The following KAZN variants were observed in gnomAD, a reference collection of about 807,000 sequenced individuals.
KAZN encodes kazrin, periplakin interacting protein.
A neutral mutation model predicts 87.4 loss-of-function variants in KAZN; 40 were observed. The observed-to-expected ratio is 0.46, with a 90% CI of 0.36 to 0.60. The LOEUF is 0.60. Among genes scored for constraint, KAZN ranks in the 20% least tolerant of loss-of-function variants. The pLI is 0.00. For missense variants in KAZN, 898 were observed against 1,073.9 expected (o/e 0.84, Z 2.29); for synonymous variants, 466 against 458.3 (o/e 1.02, Z -0.22).
chr1:14,732,349 A>G (rs1001261497), intron 1 of KAZN, among the ~76,000 whole-genome samples: 1 of 152,218 alleles, frequency 6.6e-6, no homozygotes, highest in Non-Finnish European at 1.5e-5. Context: ...ATTTAAGAAC[A>G]AAATGAAGGC....
At chr1:14,907,243 A>C (rs1656695509) in intron 1 of KAZN, among the ~76,000 whole-genome samples, 1 of 151,090 alleles carries the variant, frequency 6.6e-6, no homozygotes, top group Non-Finnish European at 1.5e-5. Flanking sequence ...CAAAAAAAAT[A>C]CAAAAACAAT....
intron 1 of KAZN, among the ~76,000 whole-genome samples, chr1:14,844,392 A>G (rs1416838065): frequency 3.9e-5 from 6 of 152,354 alleles, no homozygotes; most frequent in Non-Finnish European, 7.3e-5. Context: ...GGAATTGAGC[A>G]GGTGCCTGGC....
intron 2 of KAZN, among the ~76,000 whole-genome samples, chr1:14,276,957 A>G (rs986368948): frequency 1.3e-5 from 2 of 152,222 alleles, no homozygotes; most frequent in Admixed American, 6.5e-5. Flanking sequence ...CCGCCTATAC[A>G]TTAATCAAGA....
At chr1:14,374,491 C>T (rs897527538) in intron 2 of KAZN, among the ~76,000 whole-genome samples, 22 of 152,320 alleles carry the variant, frequency 1.4e-4, no homozygotes, top group African/African-American at 5.1e-4. Context: ...ATCTTGAATA[C>T]TCACCAGTGA....
chr1:14,410,033 T>C (rs893957105), intron 2 of KAZN, among the ~76,000 whole-genome samples: 1 of 152,188 alleles, frequency 6.6e-6, no homozygotes. Context: ...TCAGAATGTA[T>C]TGCACAGAGT....
intron 1 of KAZN, among the ~76,000 whole-genome samples, chr1:14,727,505 G>GTTTTTTTTTTTTTTTTTTT (rs1643454373): frequency 1.2e-5 from 1 of 80,358 alleles, no homozygotes; most frequent in Non-Finnish European, 2.3e-5. Flanking sequence ...TTGAGAAAGA[G>GTTTTTTTTTTTTTTTTTTT]TTTTGCTCTT....
At chr1:13,901,186 T>C (rs1255888131) in intron 1 of KAZN, among the ~76,000 whole-genome samples, 2 of 152,342 alleles carry the variant, frequency 1.3e-5, no homozygotes, top group Middle Eastern at 3.4e-3. Flanking sequence ...AGGGCCCTCA[T>C]TGGACCGAGT....
chr1:14,902,635 A>G (rs1656067375), intron 1 of KAZN, among the ~76,000 whole-genome samples: 1 of 152,108 alleles, frequency 6.6e-6, no homozygotes, highest in Non-Finnish European at 1.5e-5. Flanking sequence ...GACATTTTGG[A>G]AAGTGGCATC....
At chr1:13,943,746 A>G (rs982148214) in intron 1 of KAZN, among the ~76,000 whole-genome samples, 2 of 152,070 alleles carry the variant, frequency 1.3e-5, no homozygotes, top group African/African-American at 2.4e-5. Context: ...AAAGAAGCCT[A>G]TATGGTATAT....
chr1:14,406,198 A>G (rs1198427831), intron 2 of KAZN, among the ~76,000 whole-genome samples: 1 of 152,168 alleles, frequency 6.6e-6, no homozygotes, highest in Middle Eastern at 3.2e-3. Context: ...GTCTCAAAAC[A>G]TCTCAGGTAC....
chr1:14,960,791 T>A lies in KAZN; in HGVS notation c.334T>A (p.Ser112Thr), dbSNP rs748740906. Residue 112 changes from serine to threonine, a missense_variant, in exon 2 of 15, where the codon TCT becomes ACT. Transcript: ENST00000376030. ...DLEESQGGKS[S>T]EVLSATELRV... The stretch of plus-strand genomic sequence containing the variant: ...GGAGGAGTCGCAGGGCGGCAAGTCC[T>A]CTGAGGTCCTCTCGGCCACCGAGCT... 6.2e-7 allele frequency: 1 copy of A among 1,612,390 alleles called. No homozygotes were observed. The highest frequency in any genetic ancestry group is 1.7e-5 in the Admixed American group (1 of 59,822).
chr1:14,968,491 G>A (rs895669314), intron 2 of KAZN, among the ~76,000 whole-genome samples: 1 of 152,212 alleles, frequency 6.6e-6, no homozygotes, highest in African/African-American at 2.4e-5. Context: ...GTGTCACTTT[G>A]TTACAACAAG....
At chr1:14,457,999 T>TG (rs1667662712) in intron 2 of KAZN, among the ~76,000 whole-genome samples, 1 of 151,982 alleles carries the variant, frequency 6.6e-6, no homozygotes, top group African/African-American at 2.4e-5. Context: ...TGTGTGTGTG[T>TG]TTTTAGTAGA....
intron 1 of KAZN, among the ~76,000 whole-genome samples, chr1:14,745,262 G>GAAAAAAAAAAAAAAAAGA (rs1644230530): frequency 1.0e-5 from 1 of 99,328 alleles, no homozygotes. Flanking sequence ...AGAAAAAAAG[G>GAAAAAAAAAAAAAAAAGA]AAAAAAAAAA....
chr1:14,266,688 G>A (rs532451547), intron 2 of KAZN, among the ~76,000 whole-genome samples: 13 of 152,236 alleles, frequency 8.5e-5, no homozygotes, highest in South Asian at 4.1e-4. Context: ...AATGGGACAC[G>A]ATTCCATCGC....
chr1:14,624,811 C>T (rs796394185), intron 1 of KAZN, among the ~76,000 whole-genome samples: 57 of 152,230 alleles, frequency 3.7e-4, no homozygotes, highest in African/African-American at 1.3e-3. Flanking sequence ...GTAATTAACA[C>T]GTCAAGTGCA....
chr1:14,783,834 G>A (rs1205295526), intron 1 of KAZN, among the ~76,000 whole-genome samples: 1 of 152,168 alleles, frequency 6.6e-6, no homozygotes, highest in Non-Finnish European at 1.5e-5. Flanking sequence ...TGTGATGGAA[G>A]TAATGGGGGT....
At chr1:14,979,447 C>A (rs1666011967) in intron 2 of KAZN, among the ~76,000 whole-genome samples, 1 of 151,940 alleles carries the variant, frequency 6.6e-6, no homozygotes, top group African/African-American at 2.4e-5. Flanking sequence ...TAAAGTGAGC[C>A]CAGCATGCTG....
chr1:13,975,036 A>T (rs1638258775), intron 1 of KAZN, among the ~76,000 whole-genome samples: 1 of 152,116 alleles, frequency 6.6e-6, no homozygotes, highest in African/African-American at 2.4e-5. Flanking sequence ...GTATTTATTG[A>T]TCACTTTCCA....
Sources: allele counts gnomAD v4.1 joint callset (sites outside exome capture counted in the v4.1 genomes callset), GRCh38; gene constraint gnomAD v4.1.1; transcripts MANE v1.5; gene names NCBI Gene and HGNC (gene_info 2026-07-23, HGNC 2026-07-21).